The following KCNAB2 variants were observed in gnomAD, a reference collection of about 807,000 sequenced individuals.
KCNAB2 encodes the protein voltage-gated potassium channel subunit beta-2.
KCNAB2 carries 29 observed loss-of-function variants against 63.6 expected under a neutral mutation model. That is an observed-to-expected ratio of 0.46 (90% CI 0.34 to 0.62). The LOEUF (loss-of-function observed/expected upper bound fraction) is 0.62. Among genes scored for constraint, KCNAB2 ranks in the 20% least tolerant of loss-of-function variants. The pLI, the probability that KCNAB2 is intolerant of heterozygous loss-of-function variation, is 0.01. For synonymous variants in KCNAB2, 222 were observed against 224.2 expected (o/e 0.99, Z 0.09); for missense variants, 359 against 563.9 (o/e 0.64, Z 3.68).
At chr1:6,055,327 G>T (rs1393878252) in intron 2 of KCNAB2, among the ~76,000 whole-genome samples, 1 of 151,984 alleles carries the variant, frequency 6.6e-6, no homozygotes, top group Non-Finnish European at 1.5e-5. Context: ...GCTTCTCAGG[G>T]AGTGGAGGAG....
At chr1:6,004,704 A>G (rs1280267532) in intron 1 of KCNAB2, among the ~76,000 whole-genome samples, 1 of 151,842 alleles carries the variant, frequency 6.6e-6, no homozygotes, top group African/African-American at 2.4e-5. Flanking sequence ...CAGGATTTCC[A>G]CCTTAATTAC....
upstream of KCNAB2, among the ~76,000 whole-genome samples, chr1:6,034,092 C>T (rs1480910425): frequency 6.6e-6 from 1 of 152,248 alleles, no homozygotes; most frequent in Non-Finnish European, 1.5e-5. Flanking sequence ...CCCAGCTTAG[C>T]TGTGCCTGCC....
intron 9 of KCNAB2, 124 bp downstream of exon 9, chr1:6,090,599 C>T (rs564839943): frequency 4.0e-5 from 28 of 703,014 alleles, no homozygotes; most frequent in South Asian, 3.8e-4. Context: ...GAGAGGAGGC[C>T]GGGTCCAGGG....
chr1:6,069,785 A>C lies in KCNAB2; in HGVS notation c.219-2970A>C, dbSNP rs1356189921. On this transcript the variant is annotated intron_variant, in intron 2 of 15. Transcript: ENST00000378083. The surrounding 1 kb of genome is among the most constrained non-coding windows in gnomAD (Gnocchi z 5.4). Reference sequence around the variant, plus strand: ...CCCGAGGCCTGGCAGCGGATGGCAGAACCAATACCATCATTTTCACAGGGA... The same window carrying C: ...CCCGAGGCCTGGCAGCGGATGGCAGCACCAATACCATCATTTTCACAGGGA... Among the ~76,000 whole-genome samples, 1 of 152,206 alleles carries C rather than the reference A, an allele frequency of 6.6e-6. No homozygotes were observed. The highest frequency in any genetic ancestry group is 1.5e-5 in the Non-Finnish European group (1 of 68,032).
At chr1:6,001,298 A>C (rs1337567104) in intron 1 of KCNAB2, among the ~76,000 whole-genome samples, 5 of 6,792 alleles carry the variant, frequency 7.4e-4, no homozygotes, top group African/African-American at 5.0e-3. Flanking sequence ...TGTGATCACC[A>C]CACACACACA....
intron 1 of KCNAB2, chr1:6,018,919 G>C (rs1658666739): frequency 6.6e-6 from 1 of 152,218 alleles, no homozygotes; most frequent in Non-Finnish European, 1.5e-5. Context: ...TTTATTTATG[G>C]ATGCTGAGAT....
In KCNAB2 at chr1:6,096,536, G is replaced by C; in HGVS notation, c.949-100G>C. 7.0e-7 allele frequency: 1 copy of C among 1,428,046 alleles called. No homozygotes were observed. Among genetic ancestry groups the C allele is most frequent in the Non-Finnish European group, 9.4e-7 (1 of 1,066,922 alleles). The allele number at this position is 1,428,046 out of a possible 1,614,324, so 88.5% of individuals were successfully genotyped here. ...AGATGAGAAGAGCCCCTATGAGGGAGAAGGGTCCAGAAGGAATGAGCCCAT... is the reference window on the plus strand; with the variant it reads ...AGATGAGAAGAGCCCCTATGAGGGACAAGGGTCCAGAAGGAATGAGCCCAT... On this transcript the variant is annotated intron_variant, in intron 13 of 15. Coordinates refer to ENST00000378083, the MANE Select transcript of KCNAB2 (RefSeq NM_001199862.2). This position sits in a 1 kb window ranked among gnomAD's most constrained non-coding sequence, Gnocchi z 5.9.
Position 6,065,852 on chromosome 1 carries a change from G to A in KCNAB2, c.219-6903G>A, listed in dbSNP as rs566641676. Among the ~76,000 whole-genome samples, 4 of 152,294 alleles carry A rather than the reference G, an allele frequency of 2.6e-5. No homozygotes were observed. The East Asian group carries it at 5.8e-4, about 22-fold the overall frequency. ...TTCCAGCAGGTCTTCTGTACCTCGG[G>A]CCTGGAAATGTGACTCCCTCCCTCA... On this transcript the variant is annotated intron_variant, in intron 2 of 15. Coordinates refer to ENST00000378083, the MANE Select transcript of KCNAB2 (RefSeq NM_001199862.2).
At chr1:6,083,881 C>T (rs894898058) in intron 5 of KCNAB2, among the ~76,000 whole-genome samples, 1 of 152,190 alleles carries the variant, frequency 6.6e-6, no homozygotes, top group Non-Finnish European at 1.5e-5. Flanking sequence ...CAAATCACAG[C>T]CAGAGCCACA....
chr1:6,085,740 G>A (rs918297112), intron 6 of KCNAB2: 149 of 733,168 alleles, frequency 2.0e-4, no homozygotes, highest in Non-Finnish European at 2.4e-4. Flanking sequence ...TTGTCCACAG[G>A]ATCTTCGCGG....
rs6685018 is a variant in KCNAB2, at chr1:6,078,882, G to C, written c.301-3313G>C. Among the ~76,000 whole-genome samples the C allele has an allele frequency of 0.7, 106,926 of 151,934 alleles. 37,800 individuals carry two copies. Among genetic ancestry groups the C allele is most frequent in the East Asian group, 0.87 (4,502 of 5,146 alleles). Reference sequence around the variant, plus strand: ...ATGCTGATGCTGGCCCATGGACCACGCTTTGCCTGGGGAAGGTGCAGGGAG... The same window carrying C: ...ATGCTGATGCTGGCCCATGGACCACCCTTTGCCTGGGGAAGGTGCAGGGAG... On this transcript the variant is annotated intron_variant, in intron 4 of 15. Transcript: ENST00000378083. The surrounding 1 kb of genome is among the most constrained non-coding windows in gnomAD (Gnocchi z 4.2).
chr1:6,053,743 G>A (rs1261501546), intron 2 of KCNAB2, among the ~76,000 whole-genome samples: 1 of 152,144 alleles, frequency 6.6e-6, no homozygotes, highest in East Asian at 1.9e-4. Flanking sequence ...AGTTTAGTGG[G>A]TTAAATCAAG....
chr1:6,016,532 C>T (rs1658510896), intron 1 of KCNAB2, among the ~76,000 whole-genome samples: 1 of 152,228 alleles, frequency 6.6e-6, no homozygotes, highest in Admixed American at 6.5e-5. Flanking sequence ...TTTCACGAGG[C>T]CTGTGTGAAA....
At chr1:6,052,953 G>A (rs74650514) in intron 2 of KCNAB2, among the ~76,000 whole-genome samples, 5,263 of 152,210 alleles carry the variant, frequency 0.035, 139 homozygotes, top group South Asian at 0.093. Flanking sequence ...CAGACCCTAG[G>A]GATCATCTGC....
At chr1:6,072,708 A>C (rs200493638) in intron 2 of KCNAB2, 47 bp from the exon 3 acceptor site, 1 of 1,605,454 alleles carries the variant, frequency 6.2e-7, no homozygotes, top group Non-Finnish European at 8.5e-7. Context: ...CCTGGCTGGC[A>C]GGGTCCTGCC....
At chr1:6,058,248 T>A (rs1662006996) in intron 2 of KCNAB2, among the ~76,000 whole-genome samples, 1 of 152,220 alleles carries the variant, frequency 6.6e-6, no homozygotes, top group Admixed American at 6.5e-5. Context: ...GCAAAGACCT[T>A]GTTTCCAAAT....
rs1026441872 is a variant in KCNAB2 at position 6,000,101 on chromosome 1, C to T, written c.-53+7313C>T. 2.6e-5 allele frequency among the ~76,000 whole-genome samples: 4 copies of T among 152,304 alleles called. 1 individual carries two copies. Among genetic ancestry groups the T allele is most frequent in the Admixed American group, 2.6e-4 (4 of 15,308 alleles). ...GCACTCTGTCTGTGCCCCATCTGGG[C>T]CCTCTGCACGCCCTACCTGTGCCCT... On this transcript the variant is annotated intron_variant, in intron 1 of 16. Transcript: ENST00000341524.
chr1:5,997,810 G>T (rs1311263305), intron 1 of KCNAB2, among the ~76,000 whole-genome samples: 2 of 152,220 alleles, frequency 1.3e-5, no homozygotes, highest in Non-Finnish European at 2.9e-5. Flanking sequence ...AGGAGATTCA[G>T]CTCGATCTAT....
At chr1:6,091,382 A>T (rs986893430) in intron 10 of KCNAB2, 75 bp downstream of exon 10, 2 of 1,105,124 alleles carry the variant, frequency 1.8e-6, no homozygotes, top group African/African-American at 3.1e-5. Context: ...TTTTATTTAC[A>T]TGATTCTTTT....
Sources: gnomAD v4.1 joint callset for allele counts (sites outside exome capture counted in the v4.1 genomes callset) on GRCh38, gnomAD v4.1.1 for gene constraint, Gnocchi (gnomAD v3.1) non-coding constraint, MANE v1.5 for transcripts, NCBI Gene and HGNC (gene_info 2026-07-23, HGNC 2026-07-21) for gene names.